Variants in SOBP observed in about 807,000 individuals in gnomAD.
The protein encoded by SOBP is sine oculis-binding protein homolog.
SOBP carries 4 observed loss-of-function variants against 53.6 expected under a neutral mutation model. The observed-to-expected ratio is 0.07, with a 90% CI of 0.04 to 0.17. SOBP has a LOEUF of 0.17. Among genes scored for constraint, SOBP ranks in the 10% least tolerant of loss-of-function variants. The pLI, the probability that SOBP is intolerant of heterozygous loss-of-function variation, is 1.00. For missense variants in SOBP, 1,088 were observed against 1,204.7 expected (o/e 0.90, Z 1.43); for synonymous variants, 584 against 522.6 (o/e 1.12, Z -1.60).
At chr6:107,556,735 G>A (rs1478883648) in intron 4 of SOBP, among the ~76,000 whole-genome samples, 2 of 152,184 alleles carry the variant, frequency 1.3e-5, no homozygotes, top group Non-Finnish European at 2.9e-5. Context: ...GAAACCATCA[G>A]CTTGGGCAGG....
intron 4 of SOBP, among the ~76,000 whole-genome samples, chr6:107,536,264 A>G (rs1783994950): frequency 6.6e-6 from 1 of 152,244 alleles, no homozygotes; most frequent in African/African-American, 2.4e-5. Flanking sequence ...GCATAACTTT[A>G]CAAAGAAAAA....
At chr6:107,513,548 T>C (rs1783231509) in intron 3 of SOBP, among the ~76,000 whole-genome samples, 1 of 152,128 alleles carries the variant, frequency 6.6e-6, no homozygotes, top group African/African-American at 2.4e-5. Flanking sequence ...TATTCAATAT[T>C]CTTGGGGCTT....
At chr6:107,577,921 A>C (rs1394731317) in intron 4 of SOBP, among the ~76,000 whole-genome samples, 1 of 152,084 alleles carries the variant, frequency 6.6e-6, no homozygotes, top group Admixed American at 6.5e-5. Flanking sequence ...AAAACAGAAA[A>C]AAATTAGCCA....
chr6:107,490,539 A>ACCGCCGCCG lies in SOBP; in HGVS notation c.-69_-61dup, dbSNP rs566914812. 2 of 1,044,576 alleles carry ACCGCCGCCG rather than the reference A, an allele frequency of 1.9e-6. No individual in the cohort carries two copies. The highest frequency in any genetic ancestry group is 2.8e-6 in the Non-Finnish European group (2 of 704,152). The allele number at this position is 1,044,576 out of a possible 1,614,324, so 64.7% of individuals were successfully genotyped here. On this transcript the variant is annotated 5_prime_UTR_variant, in exon 1 of 7. Coordinates refer to ENST00000317357, the MANE Select transcript of SOBP (RefSeq NM_018013.4). The stretch of plus-strand genomic sequence containing the variant: ...CCTCGCCACCATCAGCACCACCTCC[A>ACCGCCGCCG]CCGCCGCCGCCGCCGCCACCACCAC...
chr6:107,634,267 C>T lies in SOBP; in HGVS notation c.1423C>T (p.Leu475=), dbSNP rs1770869713. ...CACCATGCCCGGGAACCCCCCAGGC[C>T]TGCTGCCCCCGCCGCCTCCGGGCGC... is the stretch of plus-strand genomic sequence containing the variant. ...TPTMPGNPPG[L]LPPPPPGAPL... The change falls in exon 6 of 7, where the codon CTG becomes TTG. Residue 475 remains leucine (L), a synonymous_variant. Transcript: ENST00000317357. This position sits in a 1 kb window ranked among gnomAD's most constrained non-coding sequence, Gnocchi z 4.5. 1 of 1,559,552 alleles carries T rather than the reference C, an allele frequency of 6.4e-7. No homozygotes were observed. The highest frequency in any genetic ancestry group is 8.6e-7 in the Non-Finnish European group (1 of 1,158,688).
Position 107,590,913 on chromosome 6 carries a change from T to C in SOBP, c.669+3738T>C, listed in dbSNP as rs535050321. Among the ~76,000 whole-genome samples, 199 of 152,316 alleles carry C rather than the reference T, an allele frequency of 1.3e-3. 1 individual carries two copies. The highest frequency in any genetic ancestry group is 6.8e-3 in the Middle Eastern group (2 of 294). ...AAACATGACATTATTGAGCATCTTC[T>C]ATGTACAAGGCATTGTACTAGACAG... On this transcript the variant is annotated intron_variant, in intron 5 of 6. Transcript: ENST00000317357.
intron 4 of SOBP, among the ~76,000 whole-genome samples, chr6:107,577,314 G>C (rs578237558): frequency 5.3e-5 from 8 of 152,236 alleles, no homozygotes; most frequent in Non-Finnish European, 1.2e-4. Flanking sequence ...TTGTACTTCT[G>C]TCTCTATTAT....
Position 107,529,854 on chromosome 6 carries a change from T to C in SOBP, c.422-3605T>C, listed in dbSNP as rs368243862. Among the ~76,000 whole-genome samples the C allele has an allele frequency of 1.7e-3, 258 of 152,310 alleles. 1 individual carries two copies. Among genetic ancestry groups the C allele is most frequent in the South Asian group, 7.2e-3 (35 of 4,830 alleles). On this transcript the variant is annotated intron_variant, in intron 3 of 6. Coordinates refer to ENST00000317357, the MANE Select transcript of SOBP (RefSeq NM_018013.4). ...AAAATGTTCTATAGCTCTTGGAACA[T>C]TAGATTGGAAAGAAAATGCCTTAAA...
chr6:107,573,760 A>G (rs183425692), intron 4 of SOBP, among the ~76,000 whole-genome samples: 4 of 152,224 alleles, frequency 2.6e-5, no homozygotes, highest in Admixed American at 2.6e-4. Flanking sequence ...TGCCTTTTGT[A>G]GTTTACTTTT....
intron 4 of SOBP, among the ~76,000 whole-genome samples, chr6:107,535,613 T>TTGTGTGTG (rs561695029): frequency 4.7e-5 from 7 of 148,076 alleles, no homozygotes; most frequent in Admixed American, 1.3e-4. Context: ...CTATGCCTTC[T>TTGTGTGTG]TGTGTGTGTG....
intron 3 of SOBP, chr6:107,529,446 G>A: frequency 1.0e-6 from 1 of 985,388 alleles, no homozygotes; most frequent in African/African-American, 1.7e-5. Flanking sequence ...TTATCTGGAT[G>A]TGTGCATTCT....
intron 5 of SOBP, among the ~76,000 whole-genome samples, chr6:107,611,250 T>G (rs1038397574): frequency 4.6e-5 from 7 of 152,154 alleles, no homozygotes; most frequent in African/African-American, 1.7e-4. Context: ...TTATTATCCT[T>G]CTGAATGGCT....
At chr6:107,555,107 A>C (rs1031974846) in intron 4 of SOBP, among the ~76,000 whole-genome samples, 3 of 152,038 alleles carry the variant, frequency 2.0e-5, no homozygotes, top group Non-Finnish European at 4.4e-5. Flanking sequence ...CATCTGTCTG[A>C]AGTAGACTGT....
intron 1 of SOBP, among the ~76,000 whole-genome samples, chr6:107,502,201 G>A (rs1045993910): frequency 6.6e-6 from 1 of 152,196 alleles, no homozygotes; most frequent in African/African-American, 2.4e-5. Flanking sequence ...CTCACACGTT[G>A]AGATTGTGCA....
At position 107,635,371 on chromosome 6, in the gene SOBP, T is replaced by A. The variant is rs1043013817; in HGVS notation, c.2527T>A (p.Cys843Ser). The A allele has an allele frequency of 2.5e-6, 4 of 1,613,396 alleles. No individual in the cohort carries two copies. In the African/African-American group the frequency reaches 4.0e-5, roughly 16 times the overall value. The change falls in exon 6 of 7, where the codon TGC becomes AGC. Residue 843 changes from cysteine (C) to serine (S), a missense_variant. Coordinates refer to ENST00000317357, the MANE Select transcript of SOBP (RefSeq NM_018013.4). This position sits in a 1 kb window ranked among gnomAD's most constrained non-coding sequence, Gnocchi z 4.5. ...CGCGGAGAAGGCTGCCATGGCACCG[T>A]GCATCATCTCCTCGCCCATGCTCAG... Reference protein sequence around the residue: ...KPAEKAAMAPCIISSPMLSAG... With the variant: ...KPAEKAAMAPSIISSPMLSAG...
Position 107,576,393 on chromosome 6 carries a change from A to G in SOBP, c.574-10687A>G, listed in dbSNP as rs543204898. ...AATACTCATATTTCTTCCTAAAGAA[A>G]TCTTATCTTTAAGACAAATTATATT... On this transcript the variant is annotated intron_variant, in intron 4 of 6. Transcript: ENST00000317357. Among the ~76,000 whole-genome samples the G allele has an allele frequency of 5.9e-5, 9 of 152,338 alleles. No homozygotes were observed. The South Asian group carries it at 1.9e-3, about 32-fold the overall frequency.
At chr6:107,570,166 C>G (rs1027205281) in intron 4 of SOBP, among the ~76,000 whole-genome samples, 1 of 152,310 alleles carries the variant, frequency 6.6e-6, no homozygotes, top group Non-Finnish European at 1.5e-5. Flanking sequence ...TATTGTCCTT[C>G]GTCTCCTGCA....
At chr6:107,545,300 G>T (rs1784267463) in intron 4 of SOBP, among the ~76,000 whole-genome samples, 1 of 152,138 alleles carries the variant, frequency 6.6e-6, no homozygotes, top group Admixed American at 6.5e-5. Flanking sequence ...TAATACAAGG[G>T]CAGACAGAAA....
intron 6 of SOBP, among the ~76,000 whole-genome samples, chr6:107,644,019 C>T (rs1238451549): frequency 6.6e-6 from 1 of 152,214 alleles, no homozygotes; most frequent in East Asian, 1.9e-4. Flanking sequence ...TTGAGTCCCA[C>T]ACGTGAGCGT....
Sources: allele counts gnomAD v4.1 joint callset (sites outside exome capture counted in the v4.1 genomes callset), GRCh38; gene constraint gnomAD v4.1.1; non-coding constraint Gnocchi (gnomAD v3.1); transcripts MANE v1.5; gene names NCBI Gene and HGNC (gene_info 2026-07-23, HGNC 2026-07-21).